DOT1L: variants seen among roughly 807,000 people sequenced by gnomAD.
The protein encoded by DOT1L is DOT1 like histone lysine methyltransferase, also known as histone-lysine N-methyltransferase, H3 lysine-79 specific.
A neutral mutation model predicts 153.3 loss-of-function variants in DOT1L; 33 were observed. The ratio of observed to expected loss-of-function variants is 0.22; its 90% CI spans 0.16 to 0.29. The LOEUF (loss-of-function observed/expected upper bound fraction) is 0.29. Among genes scored for constraint, DOT1L ranks in the 10% least tolerant of loss-of-function variants. The pLI is 1.00. For missense variants in DOT1L, 1,847 were observed against 2,119.9 expected, an observed-to-expected ratio of 0.87 and a Z score of 2.53; for synonymous variants, 1,135 against 965.1, an observed-to-expected ratio of 1.18 and a Z score of -3.26.
At chr19:2,225,931 C>T (rs1220327990) in intron 26 of DOT1L, among the ~76,000 whole-genome samples, 2 of 152,178 alleles carry the variant, frequency 1.3e-5, no homozygotes, top group Non-Finnish European at 2.9e-5. Context: ...CTGTCTTCCG[C>T]CCTCCTGTCC....
chr19:2,214,309 C>T (rs1005696167), intron 18 of DOT1L, 162 bp from the exon 19 acceptor site: 42 of 1,261,538 alleles, frequency 3.3e-5, no homozygotes, highest in South Asian at 4.7e-5. Flanking sequence ...CCCCAGTCTC[C>T]GCGTGTTCCG....
chr19:2,178,682 G>C (rs1308574848), intron 1 of DOT1L, among the ~76,000 whole-genome samples: 1 of 151,956 alleles, frequency 6.6e-6, no homozygotes, highest in African/African-American at 2.4e-5. Flanking sequence ...TGGCCTCCCA[G>C]AGTGCTGGGA....
chr19:2,228,490 G>A (rs2024462824), intron 27 of DOT1L: 1 of 1,193,310 alleles, frequency 8.4e-7, no homozygotes, highest in African/African-American at 1.6e-5. Context: ...GTCCTGAGGA[G>A]GGAAGAGGGA....
rs2022789168 is a variant in DOT1L, at chr19:2,191,442, C to T, written c.493+202C>T. 1.3e-5 allele frequency: 8 copies of T among 610,228 alleles called. No homozygotes were observed. Among genetic ancestry groups the T allele is most frequent in the South Asian group, 7.8e-5 (4 of 51,004 alleles). 37.8% of individuals were successfully genotyped at this position (610,228 alleles called of 1,614,324 possible). A position where few individuals can be genotyped will look rare whatever the true frequency, so the allele number is the denominator to read the frequency against. On this transcript the variant is annotated intron_variant, in intron 5 of 27. Transcript: ENST00000398665. The surrounding 1 kb of genome is among the most constrained non-coding windows in gnomAD (Gnocchi z 6.8). ...CGGGCTCCACCCAGAGGGGAGAAATCGCAGGAACCCAGTGGCTCCCAGACC... is the reference window on the plus strand; with the variant it reads ...CGGGCTCCACCCAGAGGGGAGAAATTGCAGGAACCCAGTGGCTCCCAGACC...
At chr19:2,224,522 C>T (rs1323758628) in intron 25 of DOT1L, among the ~76,000 whole-genome samples, 7 of 143,308 alleles carry the variant, frequency 4.9e-5, no homozygotes, top group African/African-American at 1.8e-4. Context: ...GGCTGGAGTG[C>T]GGTGGCGCGA....
rs773294625 is a variant in DOT1L, at chr19:2,191,325, T to TC, written c.493+85_493+86insC. On this transcript the variant is annotated intron_variant, in intron 5 of 27. Transcript: ENST00000398665. This position sits in a 1 kb window ranked among gnomAD's most constrained non-coding sequence, Gnocchi z 6.8. ...GCCCCATGCCTGCTTGGAGAAGAGTTTATCAGGGACTTGCGACGTTGGCGT... is the reference window on the plus strand; with the variant it reads ...GCCCCATGCCTGCTTGGAGAAGAGTTCTATCAGGGACTTGCGACGTTGGCGT... The TC allele has an allele frequency of 2.8e-5, 39 of 1,408,666 alleles. No homozygotes were observed. Among genetic ancestry groups the TC allele is most frequent in the Non-Finnish European group, 3.7e-5 (37 of 1,004,314 alleles). 87.3% of individuals were successfully genotyped at this position (1,408,666 alleles called of 1,614,324 possible).
At chr19:2,173,344 C>G (rs1257001361) in intron 1 of DOT1L, among the ~76,000 whole-genome samples, 2 of 152,194 alleles carry the variant, frequency 1.3e-5, no homozygotes, top group African/African-American at 2.4e-5. Flanking sequence ...CGTCCAGCCT[C>G]CCTCCTGTGT....
intron 1 of DOT1L, among the ~76,000 whole-genome samples, chr19:2,177,090 A>G (rs1475238040): frequency 6.6e-6 from 1 of 152,154 alleles, no homozygotes; most frequent in African/African-American, 2.4e-5. Flanking sequence ...AACATCCCGC[A>G]GCAGTCTGTG....
intron 22 of DOT1L, among the ~76,000 whole-genome samples, chr19:2,219,591 G>A (rs1440715215): frequency 2.6e-5 from 4 of 152,238 alleles, no homozygotes; most frequent in Admixed American, 6.5e-5. Context: ...AGGTTTCTGT[G>A]TGGATGTAGG....
At chr19:2,171,049 G>A (rs1203312369) in intron 1 of DOT1L, among the ~76,000 whole-genome samples, 1 of 152,124 alleles carries the variant, frequency 6.6e-6, no homozygotes, top group Non-Finnish European at 1.5e-5. Flanking sequence ...TGCATTCTCC[G>A]CCTCCCAGGC....
In DOT1L at chr19:2,217,081, C is replaced by T; in HGVS notation, c.2535C>T (p.Ser845=). The T allele has an allele frequency of 1.9e-6, 3 of 1,603,274 alleles. No homozygotes were observed. The highest frequency in any genetic ancestry group is 1.3e-5 in the African/African-American group (1 of 74,828). The change falls in exon 21 of 28, where the codon AGC becomes AGT. Residue 845 remains serine, a synonymous_variant. Coordinates refer to ENST00000398665, the MANE Select transcript of DOT1L (RefSeq NM_032482.3). The surrounding 1 kb of genome is among the most constrained non-coding windows in gnomAD (Gnocchi z 7.3). ...PGALQLAGEK[S]SEKGLRERAY... ...CCTTGCAGCTTGCTGGAGAGAAGAG[C>T]AGTGAGAAGGTGCGGGCCGCGACCC...
At position 2,226,675 on chromosome 19, in the gene DOT1L, G is replaced by A. The variant is rs377222686; in HGVS notation, c.4154G>A (p.Arg1385His). 1.2e-5 allele frequency: 19 copies of A among 1,577,176 alleles called. No homozygotes were observed. The African/African-American group carries it at 2.3e-4, about 19-fold the overall frequency. The change falls in exon 27 of 28, where the codon CGC becomes CAC. Residue 1385 changes from arginine (R) to histidine (H), a missense_variant. Arg to His is a conservative substitution (Grantham distance 29). Around this residue, in one of 8 missense-constraint regions of DOT1L, gnomAD observed 934 missense variants for 825.3 expected, o/e 1.13. Coordinates refer to ENST00000398665, the MANE Select transcript of DOT1L (RefSeq NM_032482.3). ...GCTGGGCTGAAGGGCGAGGGCAGCC[G>A]CGGCAAGGAGGCAGGGGAGGGCGGC... Reference protein sequence around the residue: ...GLAGLKGEGSRGKEAGEGGLP... With the variant: ...GLAGLKGEGSHGKEAGEGGLP...
At chr19:2,192,690 A>T (rs1032356801) in intron 5 of DOT1L, among the ~76,000 whole-genome samples, 1 of 151,818 alleles carries the variant, frequency 6.6e-6, no homozygotes, top group Non-Finnish European at 1.5e-5. Flanking sequence ...AAAAAAAAAA[A>T]AATGGGGCAT....
rs373294979 is a variant in DOT1L at position 2,226,536 on chromosome 19, C to T, written c.4015C>T (p.His1339Tyr). Residue 1339 changes from histidine (H) to tyrosine (Y), a missense_variant, in exon 27 of 28, where the codon CAC (histidine) becomes TAC (tyrosine). By Grantham distance (83) the His-to-Tyr change is moderately conservative. Coordinates refer to ENST00000398665, the MANE Select transcript of DOT1L (RefSeq NM_032482.3). ...HSFSDGASLP[H>Y]KGPEAAGLSS... ...CTTCAGTGATGGTGCTTCTCTTCCCCACAAGGGCCCCGAGGCGGCCGGCCT... is the reference window on the plus strand; with the variant it reads ...CTTCAGTGATGGTGCTTCTCTTCCCTACAAGGGCCCCGAGGCGGCCGGCCT... The T allele has an allele frequency of 2.5e-6, 4 of 1,600,606 alleles. No homozygotes were observed. The highest frequency in any genetic ancestry group is 3.3e-5 in the Admixed American group (2 of 59,940).
At chr19:2,226,068 T>C in intron 26 of DOT1L, 115 bp from the exon 27 acceptor site, 8 of 1,208,308 alleles carry the variant, frequency 6.6e-6, no homozygotes, top group Non-Finnish European at 8.9e-6. Flanking sequence ...CTTGAGTGTC[T>C]GTGACCAGCC....
At chr19:2,227,858 C>T (rs897059271) in intron 27 of DOT1L, 8 of 1,283,894 alleles carry the variant, frequency 6.2e-6, no homozygotes, top group Non-Finnish European at 4.1e-6. Flanking sequence ...CGGCCAGCGC[C>T]TCGGCCTCTT....
intron 7 of DOT1L, among the ~76,000 whole-genome samples, chr19:2,198,506 G>T (rs1462392208): frequency 2.0e-5 from 3 of 152,224 alleles, no homozygotes; most frequent in African/African-American, 4.8e-5. Flanking sequence ...GGGTGTCCCT[G>T]TCTCTCTGGG....
intron 19 of DOT1L, 32 bp downstream of exon 19, chr19:2,214,628 G>A (rs762410598): frequency 6.2e-7 from 1 of 1,600,982 alleles, no homozygotes; most frequent in Admixed American, 1.7e-5. Flanking sequence ...ACTCCGTGGT[G>A]TCCGAGCCTC....
intron 26 of DOT1L, among the ~76,000 whole-genome samples, chr19:2,225,903 G>A (rs1053271423): frequency 6.6e-6 from 1 of 152,110 alleles, no homozygotes; most frequent in African/African-American, 2.4e-5. Context: ...TCTGAGACCC[G>A]CTTCAGCTGC....
Sources: gnomAD v4.1 joint callset for allele counts (sites outside exome capture counted in the v4.1 genomes callset) on GRCh38, gnomAD v4.1.1 for gene constraint, gnomAD v4.1.1 regional missense constraint, Gnocchi (gnomAD v3.1) non-coding constraint, MANE v1.5 for transcripts, NCBI Gene and HGNC (gene_info 2026-07-23, HGNC 2026-07-21) for gene names.